The following MAP2 variants were observed in gnomAD, a reference collection of about 807,000 sequenced individuals.
The protein encoded by MAP2 is microtubule-associated protein 2.
MAP2 carries 14 observed loss-of-function variants against 137.6 expected under a neutral mutation model. The observed-to-expected ratio is 0.10, with a 90% CI of 0.07 to 0.16. The LOEUF (loss-of-function observed/expected upper bound fraction) is 0.16. Among genes scored for constraint, MAP2 ranks in the 10% least tolerant of loss-of-function variants. The probability of loss-of-function intolerance (pLI) is 1.00; values close to 1 mark genes in which losing one functional copy is unlikely to be tolerated. For synonymous variants in MAP2, 786 were observed against 782.3 expected (o/e 1.00, Z -0.08); for missense variants, 2,088 against 2,191.5 (o/e 0.95, Z 0.94).
Position 209,587,107 on chromosome 2 carries a change from C to A in MAP2, c.-107+7007C>A, listed in dbSNP as rs972735778. Among the ~76,000 whole-genome samples, 3 of 152,012 alleles carry A rather than the reference C, an allele frequency of 2.0e-5. No homozygotes were observed. The East Asian group carries it at 5.8e-4, about 29-fold the overall frequency. On this transcript the variant is annotated intron_variant, in intron 3 of 15. Coordinates refer to ENST00000682079, the MANE Select transcript of MAP2 (RefSeq NM_001375505.1). The stretch of plus-strand genomic sequence containing the variant: ...GTTTGGGGACGTGGTTCTATATAAC[C>A]CTGTGTCCGTTTCTTCATTCCAGTT...
In MAP2 at chr2:209,495,302, C is replaced by T. The variant is rs10183315; in HGVS notation, c.-221-12290C>T. ...TCCTGCCTGCCAGCTCTGAAGAGAG[C>T]GGCAGATCTCCCAGCACAGTGCTCG... On this transcript the variant is annotated intron_variant, in intron 1 of 15. Coordinates refer to ENST00000682079, the MANE Select transcript of MAP2 (RefSeq NM_001375505.1). Among the ~76,000 whole-genome samples, 1,235 of 152,366 alleles carry T rather than the reference C, an allele frequency of 8.1e-3. 15 individuals carry two copies. The highest frequency in any genetic ancestry group is 0.027 in the African/African-American group (1,103 of 41,584).
chr2:209,484,551 G>A (rs1417624528), intron 1 of MAP2, among the ~76,000 whole-genome samples: 1 of 152,124 alleles, frequency 6.6e-6, no homozygotes, highest in Non-Finnish European at 1.5e-5. Context: ...TTAGTCTGGC[G>A]TGGTTGCAGG....
chr2:209,482,282 A>T (rs181646408), intron 1 of MAP2, among the ~76,000 whole-genome samples: 1 of 152,216 alleles, frequency 6.6e-6, no homozygotes, highest in Non-Finnish European at 1.5e-5. Context: ...CAATATAGAC[A>T]TGAAAAAATG....
At position 209,678,683 on chromosome 2, in the gene MAP2, T is replaced by C. The variant is rs770860190; in HGVS notation, c.374T>C (p.Leu125Ser). The C allele has an allele frequency of 6.3e-7, 1 of 1,583,912 alleles. No homozygotes were observed. Among genetic ancestry groups the C allele is most frequent in the Non-Finnish European group, 8.6e-7 (1 of 1,162,078 alleles). Residue 125 changes from leucine (L) to serine (S), a missense_variant and splice_region_variant, in exon 6 of 16, where the codon TTA becomes TCA. Coordinates refer to ENST00000682079, the MANE Select transcript of MAP2 (RefSeq NM_001375505.1). ...QHKDQTAALP[L>S]AAEETANLPP... The stretch of plus-strand genomic sequence containing the variant: ...AAAGACCAGACTGCAGCTCTGCCTT[T>C]AGGTAAATAAGAAGATTCTCAGGTC...
Position 209,689,236 on chromosome 2 carries a change from A to C in MAP2, c.455-3389A>C, listed in dbSNP as rs561300202. ...ATTTAAATTTTTAAAATGCTACTTA[A>C]AATGCCATAATTAAATTACAAAACT... On this transcript the variant is annotated intron_variant, in intron 7 of 15. Coordinates refer to ENST00000682079, the MANE Select transcript of MAP2 (RefSeq NM_001375505.1). Among the ~76,000 whole-genome samples the C allele has an allele frequency of 2.6e-5, 4 of 152,260 alleles. No homozygotes were observed. The East Asian group carries it at 7.7e-4, about 29-fold the overall frequency.
In MAP2 at chr2:209,655,921, T is replaced by TC. The variant is rs975901671; in HGVS notation, c.262+2493dup. ...CCTCTACTTTCCGTTTTTGCTATAG[T>TC]CCCCTCTTTGCATTTTAAAATAATA... On this transcript the variant is annotated intron_variant, in intron 5 of 15. Coordinates refer to ENST00000682079, the MANE Select transcript of MAP2 (RefSeq NM_001375505.1). 2.0e-5 allele frequency among the ~76,000 whole-genome samples: 3 copies of TC among 152,312 alleles called. 1 individual carries two copies. Among genetic ancestry groups the TC allele is most frequent in the African/African-American group, 7.2e-5 (3 of 41,576 alleles).
intron 2 of MAP2, among the ~76,000 whole-genome samples, chr2:209,546,029 G>T (rs1489398225): frequency 1.3e-5 from 2 of 152,302 alleles, no homozygotes; most frequent in Admixed American, 6.5e-5. Flanking sequence ...TGTAGTCCCA[G>T]CTACTTGGGA....
intron 1 of MAP2, among the ~76,000 whole-genome samples, chr2:209,469,867 T>C (rs1486462832): frequency 6.6e-6 from 1 of 152,242 alleles, no homozygotes; most frequent in Non-Finnish European, 1.5e-5. Flanking sequence ...CTAACAGAAT[T>C]ATTTCAACTT....
chr2:209,671,135 GA>G (rs1259243901), intron 5 of MAP2, among the ~76,000 whole-genome samples: 1 of 150,662 alleles, frequency 6.6e-6, no homozygotes, highest in Admixed American at 6.6e-5. Flanking sequence ...GAAATATCTG[GA>G]AAAAAAAAGC....
At chr2:209,662,219 C>T (rs1218583492) in intron 5 of MAP2, among the ~76,000 whole-genome samples, 1 of 152,178 alleles carries the variant, frequency 6.6e-6, no homozygotes, top group African/African-American at 2.4e-5. Context: ...TATTTAAAAA[C>T]TGAGGTTAAT....
intron 1 of MAP2, among the ~76,000 whole-genome samples, chr2:209,453,252 A>C (rs1700708938): frequency 6.6e-6 from 1 of 152,140 alleles, no homozygotes; most frequent in Admixed American, 6.6e-5. Context: ...TCTCTGCTTT[A>C]ATGATGCATG....
chr2:209,699,345 A>AT (rs3835773), intron 10 of MAP2, among the ~76,000 whole-genome samples: 18,024 of 151,870 alleles, frequency 0.12, 1,378 homozygotes, highest in East Asian at 0.22. Flanking sequence ...ATAAGGATAC[A>AT]TTTTTTTTCT....
At chr2:209,601,890 A>G (rs1028849766) in intron 3 of MAP2, among the ~76,000 whole-genome samples, 1 of 152,218 alleles carries the variant, frequency 6.6e-6, no homozygotes, top group African/African-American at 2.4e-5. Context: ...AAATAAAAGT[A>G]AATTGCCAAA....
chr2:209,637,001 G>T (rs554142059), intron 4 of MAP2, among the ~76,000 whole-genome samples: 125 of 152,230 alleles, frequency 8.2e-4, no homozygotes, highest in African/African-American at 2.8e-3. Flanking sequence ...GCTTCGTCAG[G>T]TGAATTTTTG....
chr2:209,432,453 T>G (rs1694550263), intron 1 of MAP2, among the ~76,000 whole-genome samples: 1 of 152,186 alleles, frequency 6.6e-6, no homozygotes, highest in Admixed American at 6.6e-5. Context: ...TTATGGAATC[T>G]TTAGTTGACA....
chr2:209,690,896 C>A, intron 7 of MAP2: 1 of 1,220,222 alleles, frequency 8.2e-7, no homozygotes, highest in South Asian at 1.5e-5. Flanking sequence ...AATGATCTCT[C>A]CAGTGGCTTA....
chr2:209,730,217 T>C lies in MAP2; in HGVS notation c.5304T>C (p.Ala1768=). 1 of 1,614,070 alleles carries C rather than the reference T, an allele frequency of 6.2e-7. No homozygotes were observed. Among genetic ancestry groups the C allele is most frequent in the South Asian group, 1.1e-5 (1 of 91,072 alleles). Residue 1768 remains alanine, a synonymous_variant, in exon 16 of 16, where the codon GCT becomes GCC. Coordinates refer to ENST00000682079, the MANE Select transcript of MAP2 (RefSeq NM_001375505.1). The part of the protein sequence containing the change: ...DSQKLNFREH[A]KARVDHGAEI... ...AAAAGTTGAACTTCAGAGAGCATGC[T>C]AAAGCCCGTGTGGACCATGGGGCTG...
At chr2:209,698,985 G>C (rs1036282030) in intron 10 of MAP2, among the ~76,000 whole-genome samples, 8 of 152,150 alleles carry the variant, frequency 5.3e-5, no homozygotes, top group African/African-American at 1.7e-4. Flanking sequence ...CACATTTAAA[G>C]TAAATTGTGT....
chr2:209,463,012 C>T lies in MAP2; in HGVS notation c.-222+38736C>T, dbSNP rs564696560. Among the ~76,000 whole-genome samples, 4 of 152,106 alleles carry T rather than the reference C, an allele frequency of 2.6e-5. No individual in the cohort carries two copies. In the South Asian group the frequency reaches 8.3e-4, roughly 32 times the overall value. On this transcript the variant is annotated intron_variant, in intron 1 of 15. Transcript: ENST00000682079. ...ACACACACACACGTGCACACAAATA[C>T]GTGCACACACACATGCACGAGTAAC... is the stretch of plus-strand genomic sequence containing the variant.
Sources: allele counts gnomAD v4.1 joint callset (sites outside exome capture counted in the v4.1 genomes callset), GRCh38; gene constraint gnomAD v4.1.1; transcripts MANE v1.5; gene names NCBI Gene and HGNC (gene_info 2026-07-23, HGNC 2026-07-21).